Variants in NTAQ1 observed in about 807,000 individuals in gnomAD.
NTAQ1 encodes the protein protein N-terminal glutamine amidohydrolase.
In NTAQ1, 21 loss-of-function variants were observed where a neutral mutation model predicts 28.2. The observed-to-expected ratio is 0.74, with a 90% CI of 0.53 to 1.07. NTAQ1 has a LOEUF of 1.07. Ranked by LOEUF, NTAQ1 falls within the 50% of genes least tolerant of loss-of-function variation. The pLI is 0.00. For missense variants in NTAQ1, 264 were observed against 256.6 expected (o/e 1.03, Z -0.20); for synonymous variants, 105 against 90.0 (o/e 1.17, Z -0.94).
chr8:123,463,261 A>G (rs1249127617), intron 6 of NTAQ1, among the ~76,000 whole-genome samples: 2 of 152,184 alleles, frequency 1.3e-5, no homozygotes, highest in Admixed American at 1.3e-4. Context: ...CTTAACATTG[A>G]TGCAACAATG....
chr8:123,455,099 C>T (rs2130393765), intron 6 of NTAQ1: 1 of 152,324 alleles, frequency 6.6e-6, no homozygotes, highest in Non-Finnish European at 1.5e-5. Context: ...TACTGCCACA[C>T]GCAAAGCTCT....
chr8:123,440,479 G>T (rs546246204), intron 5 of NTAQ1, among the ~76,000 whole-genome samples: 1 of 148,034 alleles, frequency 6.8e-6, no homozygotes, highest in South Asian at 2.2e-4. Flanking sequence ...CTGAGTAAAG[G>T]TTGAGAGTAG....
intron 6 of NTAQ1, among the ~76,000 whole-genome samples, chr8:123,461,242 G>T (rs1815815140): frequency 6.6e-6 from 1 of 152,080 alleles, no homozygotes; most frequent in Non-Finnish European, 1.5e-5. Flanking sequence ...CATCTCCCAG[G>T]GTCCCCAGCA....
At chr8:123,435,343 A>G in intron 3 of NTAQ1, 1 of 403,402 alleles carries the variant, frequency 2.5e-6, no homozygotes, top group Non-Finnish European at 3.4e-6. Flanking sequence ...TACAGATGAA[A>G]GCTTGGCTAA....
intron 3 of NTAQ1, among the ~76,000 whole-genome samples, chr8:123,432,259 T>C (rs1372816700): frequency 6.6e-6 from 1 of 152,212 alleles, no homozygotes; most frequent in African/African-American, 2.4e-5. Flanking sequence ...AGACTACATA[T>C]TGCCAAAGTC....
downstream of NTAQ1, among the ~76,000 whole-genome samples, chr8:123,471,354 C>A (rs1816040073): frequency 6.6e-6 from 1 of 152,176 alleles, no homozygotes; most frequent in Admixed American, 6.5e-5. Flanking sequence ...AGGTCACATT[C>A]TGTGGTACTG....
At chr8:123,441,187 A>C in intron 5 of NTAQ1, 119 bp from the exon 6 acceptor site, 2 of 705,434 alleles carry the variant, frequency 2.8e-6, no homozygotes, top group Non-Finnish European at 4.8e-6. Flanking sequence ...CACAGAAGTG[A>C]CATTGAGCCC....
chr8:123,472,991 A>G (rs1388273021), downstream of NTAQ1, among the ~76,000 whole-genome samples: 1 of 152,182 alleles, frequency 6.6e-6, no homozygotes, highest in Non-Finnish European at 1.5e-5. Context: ...GAATGGAGAA[A>G]AATGCCCATT....
intron 1 of NTAQ1, among the ~76,000 whole-genome samples, chr8:123,427,399 C>T (rs1814128287): frequency 6.6e-6 from 1 of 151,848 alleles, no homozygotes; most frequent in Non-Finnish European, 1.5e-5. Flanking sequence ...ATTACAGGCA[C>T]CCGCCACCAT....
intron 6 of NTAQ1, among the ~76,000 whole-genome samples, chr8:123,463,205 A>G (rs1294052201): frequency 1.3e-5 from 2 of 152,236 alleles, no homozygotes; most frequent in African/African-American, 4.8e-5. Flanking sequence ...TTCCTAAGAA[A>G]GATATTCTTC....
intron 6 of NTAQ1, among the ~76,000 whole-genome samples, chr8:123,456,365 C>T (rs896165679): frequency 3.9e-5 from 6 of 152,122 alleles, no homozygotes; most frequent in African/African-American, 1.2e-4. Context: ...CTGCAGCCTC[C>T]GCCTCTGCAG....
At position 123,441,482 on chromosome 8, in the gene NTAQ1, G is replaced by A; in HGVS notation, c.*67G>A. On this transcript the variant is annotated 3_prime_UTR_variant, in exon 6 of 6. Transcript: ENST00000287387. ...ATGAACAAGCTATCCTTTCATCGAG[G>A]ACAGCAAACATTATGGTACAGTTGG... is the stretch of plus-strand genomic sequence containing the variant. 1 of 1,265,392 alleles carries A rather than the reference G, an allele frequency of 7.9e-7. No individual in the cohort carries two copies. Among genetic ancestry groups the A allele is most frequent in the South Asian group, 1.3e-5 (1 of 79,050 alleles). 78.4% of individuals were successfully genotyped at this position (1,265,392 alleles called of 1,614,324 possible). A position where few individuals can be genotyped will look rare whatever the true frequency, so the allele number is the denominator to read the frequency against.
At chr8:123,421,512 CTT>C (rs71310677) in intron 1 of NTAQ1, among the ~76,000 whole-genome samples, 18 of 133,830 alleles carry the variant, frequency 1.3e-4, no homozygotes, top group Non-Finnish European at 1.4e-4. Flanking sequence ...TCTCTTTTTC[CTT>C]TTTTTTTTTT....
intron 1 of NTAQ1, among the ~76,000 whole-genome samples, chr8:123,426,804 A>G (rs1814085777): frequency 6.6e-6 from 1 of 151,080 alleles, no homozygotes; most frequent in Admixed American, 6.6e-5. Flanking sequence ...TACTAAAAAT[A>G]CAAAAGTTAG....
downstream of NTAQ1, among the ~76,000 whole-genome samples, chr8:123,444,167 A>G (rs142983947): frequency 3.6e-3 from 554 of 152,280 alleles, 6 homozygotes; most frequent in African/African-American, 0.012. Context: ...AGATATTTCA[A>G]GAAAAGCAGG....
At chr8:123,418,808 C>T (rs2130115506) in intron 1 of NTAQ1, among the ~76,000 whole-genome samples, 1 of 152,330 alleles carries the variant, frequency 6.6e-6, no homozygotes, top group South Asian at 2.1e-4. Flanking sequence ...GTTTCTCCAT[C>T]TTGGCTTGAG....
chr8:123,465,917 C>G (rs1396089583), intron 6 of NTAQ1, among the ~76,000 whole-genome samples: 4 of 152,106 alleles, frequency 2.6e-5, no homozygotes, highest in Non-Finnish European at 5.9e-5. Flanking sequence ...CATATTGTTG[C>G]CTGTGTCAGT....
chr8:123,454,767 G>A (rs1815599699), intron 6 of NTAQ1, among the ~76,000 whole-genome samples: 1 of 152,160 alleles, frequency 6.6e-6, no homozygotes, highest in Non-Finnish European at 1.5e-5. Context: ...AGTCTCCAAT[G>A]GGCCATTCAT....
chr8:123,463,910 A>G (rs889515330), intron 6 of NTAQ1, among the ~76,000 whole-genome samples: 1 of 152,078 alleles, frequency 6.6e-6, no homozygotes, highest in Non-Finnish European at 1.5e-5. Context: ...GTGGGAGGTA[A>G]TTGAATCATG....
Sources: allele counts gnomAD v4.1 joint callset (sites outside exome capture counted in the v4.1 genomes callset), GRCh38; gene constraint gnomAD v4.1.1; transcripts MANE v1.5; gene names NCBI Gene and HGNC (gene_info 2026-07-23, HGNC 2026-07-21).